Variants in GRM7 observed in about 807,000 individuals in gnomAD.
GRM7 encodes the protein metabotropic glutamate receptor 7.
In GRM7, 35 loss-of-function variants were observed where a neutral mutation model predicts 84.5. The ratio of observed to expected loss-of-function variants is 0.41; its 90% CI spans 0.32 to 0.55. The LOEUF (loss-of-function observed/expected upper bound fraction) is 0.55. Ranked by LOEUF, GRM7 falls within the 20% of genes least tolerant of loss-of-function variation. The pLI is 0.19. For missense variants in GRM7, 1,003 were observed against 1,194.6 expected, an observed-to-expected ratio of 0.84 and a Z score of 2.36; for synonymous variants, 487 against 455.1, an observed-to-expected ratio of 1.07 and a Z score of -0.89.
intron 2 of GRM7, among the ~76,000 whole-genome samples, chr3:7,255,982 T>C (rs1698181476): frequency 6.6e-6 from 1 of 152,160 alleles, no homozygotes; most frequent in Admixed American, 6.5e-5. Flanking sequence ...AATACATGCC[T>C]TTCACCAGCC....
rs2280739 is a variant in GRM7, at chr3:7,680,310, G to A, written c.2698+15G>A. 150,146 of 1,612,194 alleles carry A rather than the reference G, an allele frequency of 0.093. 7,963 individuals carry two copies. The highest frequency in any genetic ancestry group is 0.21 in the African/African-American group (16,099 of 74,928). On this transcript the variant is annotated intron_variant, in intron 9 of 9. Transcript: ENST00000357716. ...AGACCCAAACAGTAAGTAACTCTCC[G>A]TTTCTTTCATCTTCCCACCCTGCAT...
chr3:7,533,975 T>A (rs780288827), intron 7 of GRM7, among the ~76,000 whole-genome samples: 1 of 151,936 alleles, frequency 6.6e-6, no homozygotes, highest in Non-Finnish European at 1.5e-5. Flanking sequence ...GATTTATCAG[T>A]TGAGTATTTA....
intron 4 of GRM7, among the ~76,000 whole-genome samples, chr3:7,327,188 C>T (rs1701022522): frequency 6.6e-6 from 1 of 152,176 alleles, no homozygotes; most frequent in African/African-American, 2.4e-5. Context: ...GCTCAAATTG[C>T]ATTTTATCAA....
intron 2 of GRM7, among the ~76,000 whole-genome samples, chr3:7,258,337 G>A (rs138969611): frequency 5.7e-4 from 86 of 152,178 alleles, no homozygotes; most frequent in African/African-American, 2.0e-3. Flanking sequence ...TATGGAATGG[G>A]TGATCAAGTT....
At chr3:7,141,192 T>C (rs536193538) in intron 1 of GRM7, among the ~76,000 whole-genome samples, 22 of 151,904 alleles carry the variant, frequency 1.4e-4, no homozygotes, top group African/African-American at 5.1e-4. Context: ...CTTGCTTACA[T>C]GGAAATCCCA....
At chr3:7,305,348 T>TAGAAAAC (rs1553555233) in intron 3 of GRM7, among the ~76,000 whole-genome samples, 3 of 101,966 alleles carry the variant, frequency 2.9e-5, no homozygotes, top group African/African-American at 3.0e-5. Flanking sequence ...TTTTTCTTTT[T>TAGAAAAC]TTTTTTTTTT....
chr3:7,234,671 C>T (rs868418223), intron 2 of GRM7, among the ~76,000 whole-genome samples: 1 of 152,014 alleles, frequency 6.6e-6, no homozygotes, highest in Non-Finnish European at 1.5e-5. Context: ...ATTTTTCTGG[C>T]AACACCCAAA....
At chr3:7,007,892 G>T (rs1180576452) in intron 1 of GRM7, among the ~76,000 whole-genome samples, 1 of 152,160 alleles carries the variant, frequency 6.6e-6, no homozygotes, top group Non-Finnish European at 1.5e-5. Flanking sequence ...TTAACTGACT[G>T]TTGACACCAG....
rs761621971 is a variant in GRM7, at chr3:7,452,790, G to A, written c.1358G>A (p.Arg453His). 1.8e-5 allele frequency: 29 copies of A among 1,609,658 alleles called. No homozygotes were observed. The highest frequency in any genetic ancestry group is 2.3e-5 in the Non-Finnish European group (27 of 1,176,520). Residue 453 changes from arginine (R) to histidine (H), a missense_variant, in exon 6 of 10, where the codon CGC becomes CAC. Arg to His is a conservative substitution (Grantham distance 29). Coordinates refer to ENST00000357716, the MANE Select transcript of GRM7 (RefSeq NM_000844.4). ...AGGKKLLKYI[R>H]NVNFNGSAGT... ...GGCAAGAAGTTGCTGAAGTATATAC[G>A]CAATGTTAATTTCAATGGTGAGTCT... is the stretch of plus-strand genomic sequence containing the variant.
At chr3:7,371,749 G>A (rs1559274459) in intron 4 of GRM7, among the ~76,000 whole-genome samples, 1 of 152,274 alleles carries the variant, frequency 6.6e-6, no homozygotes, top group Admixed American at 6.5e-5. Context: ...ACTCAGGTTT[G>A]TGACTTGAAC....
At chr3:7,460,185 C>A (rs2124905906) in intron 6 of GRM7, among the ~76,000 whole-genome samples, 1 of 136,398 alleles carries the variant, frequency 7.3e-6, no homozygotes, top group East Asian at 2.5e-4. Context: ...ACACAAACAA[C>A]TAACTCAACA....
In GRM7 at chr3:7,131,855, G is replaced by A. The variant is rs563821750; in HGVS notation, c.520-14597G>A. Among the ~76,000 whole-genome samples the A allele has an allele frequency of 1.7e-4, 26 of 152,188 alleles. No individual in the cohort carries two copies. In the South Asian group the frequency reaches 2.3e-3, roughly 13 times the overall value. The stretch of plus-strand genomic sequence containing the variant: ...GAGAAGAAACAAAGTAAATTTAGAC[G>A]GGGATCAATTTTGTTTATTTTATCA... On this transcript the variant is annotated intron_variant, in intron 1 of 9. Coordinates refer to ENST00000357716, the MANE Select transcript of GRM7 (RefSeq NM_000844.4).
chr3:7,525,315 T>C (rs1285698260), intron 7 of GRM7, among the ~76,000 whole-genome samples: 1 of 152,074 alleles, frequency 6.6e-6, no homozygotes, highest in African/African-American at 2.4e-5. Context: ...TTCTCTGGTG[T>C]TAAAAATACA....
chr3:6,946,176 G>C (rs1349701523), intron 1 of GRM7, among the ~76,000 whole-genome samples: 1 of 152,016 alleles, frequency 6.6e-6, no homozygotes, highest in Non-Finnish European at 1.5e-5. Context: ...TTCCTTCTAG[G>C]GTTTTTATGG....
At chr3:7,354,165 A>G (rs756428695) in intron 4 of GRM7, among the ~76,000 whole-genome samples, 11 of 152,142 alleles carry the variant, frequency 7.2e-5, no homozygotes, top group Non-Finnish European at 2.9e-5. Flanking sequence ...TCGTTCCTCA[A>G]AGGGAAACCT....
intron 1 of GRM7, among the ~76,000 whole-genome samples, chr3:6,873,468 C>A (rs1395298692): frequency 1.3e-5 from 2 of 152,114 alleles, no homozygotes; most frequent in Non-Finnish European, 1.5e-5. Context: ...CACTTGCTAA[C>A]CATGTGAGCT....
intron 7 of GRM7, among the ~76,000 whole-genome samples, chr3:7,487,779 A>G (rs987973949): frequency 3.3e-5 from 5 of 152,206 alleles, no homozygotes; most frequent in Non-Finnish European, 5.9e-5. Context: ...CACCCCAGAG[A>G]GCCTTCACTA....
intron 2 of GRM7, among the ~76,000 whole-genome samples, chr3:7,235,629 A>G (rs369103851): frequency 3.9e-5 from 6 of 152,276 alleles, no homozygotes; most frequent in African/African-American, 4.8e-5. Flanking sequence ...TCATACATTT[A>G]TATCTTGCCT....
chr3:7,620,582 C>T (rs568433477), intron 8 of GRM7, among the ~76,000 whole-genome samples: 16 of 152,034 alleles, frequency 1.1e-4, no homozygotes, highest in South Asian at 2.1e-4. Context: ...CCAGGCAGTG[C>T]GGCACTTGGG....
Sources: allele counts gnomAD v4.1 joint callset (sites outside exome capture counted in the v4.1 genomes callset), GRCh38; gene constraint gnomAD v4.1.1; transcripts MANE v1.5; gene names NCBI Gene and HGNC (gene_info 2026-07-23, HGNC 2026-07-21).